Variants in ZNF326 observed in about 807,000 individuals in gnomAD.
ZNF326 encodes the protein zinc finger protein 326.
Under a neutral mutation model 63.1 loss-of-function variants are expected in ZNF326, and 30 were observed. The ratio of observed to expected loss-of-function variants is 0.48; its 90% confidence interval spans 0.36 to 0.64. The LOEUF (loss-of-function observed/expected upper bound fraction) is 0.64. Ranked by LOEUF, ZNF326 falls within the 30% of genes least tolerant of loss-of-function variation. The pLI is 0.00. For synonymous variants in ZNF326, 194 were observed against 228.2 expected (o/e 0.85, Z 1.35); for missense variants, 609 against 720.3 (o/e 0.85, Z 1.77).
rs142139717 is a variant in ZNF326 at position 90,000,563 on chromosome 1, G to C, written c.61+2409G>C. On this transcript the variant is annotated intron_variant, in intron 2 of 11. Coordinates refer to ENST00000340281, the MANE Select transcript of ZNF326 (RefSeq NM_182976.4). Reference sequence around the variant, plus strand: ...AAAAATTTTTTAAAAACATTAGCCAGGCGTGGTGGTGCCCCCCTATAGTTC... The same window carrying C: ...AAAAATTTTTTAAAAACATTAGCCACGCGTGGTGGTGCCCCCCTATAGTTC... 6.8e-3 allele frequency among the ~76,000 whole-genome samples: 1,037 copies of C among 152,244 alleles called. 8 individuals are homozygous for C. The highest frequency in any genetic ancestry group is 0.024 in the African/African-American group (998 of 41,538).
At position 90,027,600 on chromosome 1, in the gene ZNF326, G is replaced by C; in HGVS notation, c.1648G>C (p.Val550Leu). The C allele has an allele frequency of 6.2e-7, 1 of 1,612,482 alleles. No homozygotes were observed. Among genetic ancestry groups the C allele is most frequent in the Non-Finnish European group, 8.5e-7 (1 of 1,179,142 alleles). ...EGGEVGVVGEVEGVGEVEEVE... is the reference protein window; with the variant it reads ...EGGEVGVVGELEGVGEVEEVE... ...AGGGGAAGTAGGGGTAGTGGGAGAA[G>C]TAGAGGGAGTGGGGGAAGTAGAGGA... Residue 550 changes from valine to leucine, a missense_variant, in exon 12 of 12, where the codon GTA (valine) becomes CTA (leucine). Transcript: ENST00000340281.
In ZNF326 at chr1:90,007,686, C is replaced by A; in HGVS notation, c.551C>A (p.Thr184Lys). The A allele has an allele frequency of 1.3e-6, 2 of 1,516,472 alleles. No individual in the cohort carries two copies. Among genetic ancestry groups the A allele is most frequent in the Non-Finnish European group, 1.8e-6 (2 of 1,132,958 alleles). 93.9% of individuals were successfully genotyped at this position (1,516,472 alleles called of 1,614,324 possible). The stretch of plus-strand genomic sequence containing the variant: ...GGAACGCCTGCTTATCCTGAAAGTA[C>A]GTTTGGAAGCAGAAACTATGATGCT... ...GRGTPAYPESTFGSRNYDAFG... is the reference protein window; with the variant it reads ...GRGTPAYPESKFGSRNYDAFG... Residue 184 changes from threonine to lysine, a missense_variant, in exon 5 of 12, where the codon ACG becomes AAG. By Grantham distance (78) the Thr-to-Lys change is moderately conservative. This residue lies in a region of ZNF326 where 113 missense variants were observed against 187.4 expected (regional missense o/e 0.60). Transcript: ENST00000340281. The surrounding 1 kb of genome is among the most constrained non-coding windows in gnomAD (Gnocchi z 4.9).
rs538595496 is a variant in ZNF326 at position 90,017,314 on chromosome 1, C to T, written c.927-3C>T. ...TAAAGGAAAACTTTTTTTTCTCTTA[C>T]AGAATGGCATTTACATGTTCATTTT... On this transcript the variant is annotated splice_polypyrimidine_tract_variant and splice_region_variant and intron_variant, in intron 7 of 11. Coordinates refer to ENST00000340281, the MANE Select transcript of ZNF326 (RefSeq NM_182976.4). 12 of 1,572,828 alleles carry T rather than the reference C, an allele frequency of 7.6e-6. No homozygotes were observed. In the Admixed American group the frequency reaches 1.8e-4, roughly 24 times the overall value.
rs188072467 is a variant in ZNF326, at chr1:90,007,083, A to C, written c.210-262A>C. Among the ~76,000 whole-genome samples the C allele has an allele frequency of 6.6e-6, 1 of 152,364 alleles. No individual in the cohort carries two copies. Among genetic ancestry groups the C allele is most frequent in the Admixed American group, 6.5e-5 (1 of 15,304 alleles). The stretch of plus-strand genomic sequence containing the variant: ...ACAAATCTTTTCTTCTTCATAAAAT[A>C]GAAAAGCTGCTAAGAAGCAGATTTT... On this transcript the variant is annotated intron_variant, in intron 4 of 11. Transcript: ENST00000340281. This position sits in a 1 kb window ranked among gnomAD's most constrained non-coding sequence, Gnocchi z 4.9.
At position 90,022,312 on chromosome 1, in the gene ZNF326, A is replaced by G. The variant is rs967295916; in HGVS notation, c.1368A>G (p.Pro456=). Residue 456 remains proline, a synonymous_variant, in exon 11 of 12, where the codon CCA becomes CCG. Coordinates refer to ENST00000340281, the MANE Select transcript of ZNF326 (RefSeq NM_182976.4). The part of the protein sequence containing the change: ...VLTATSILNN[P]IVKARYERFV... ...CTGCTACAAGCATTTTAAATAATCC[A>G]ATAGTGAAGGCGCGATATGAACGTT... 6.2e-7 allele frequency: 1 copy of G among 1,613,236 alleles called. No homozygotes were observed. Among genetic ancestry groups the G allele is most frequent in the Non-Finnish European group, 8.5e-7 (1 of 1,179,534 alleles).
In ZNF326 at chr1:90,029,972, G is replaced by C. The variant is rs1039780187; in HGVS notation, c.*2271G>C. On this transcript the variant is annotated 3_prime_UTR_variant, in exon 12 of 12. Coordinates refer to ENST00000340281, the MANE Select transcript of ZNF326 (RefSeq NM_182976.4). Reference sequence around the variant, plus strand: ...GCTTTTGTAATAAGGATGTATATAAGATCTTAAACGCCTTTCAACTTCTGT... The same window carrying C: ...GCTTTTGTAATAAGGATGTATATAACATCTTAAACGCCTTTCAACTTCTGT... 9 of 152,262 alleles carry C rather than the reference G, an allele frequency of 5.9e-5. No homozygotes were observed. The highest frequency in any genetic ancestry group is 3.4e-3 in the Middle Eastern group (1 of 294). The allele number at this position is 152,262 out of a possible 1,614,324, so 9.4% of individuals were successfully genotyped here. A position where few individuals can be genotyped will look rare whatever the true frequency, so the allele number is the denominator to read the frequency against.
At chr1:90,020,303 C>G (rs1362288767) in intron 9 of ZNF326, among the ~76,000 whole-genome samples, 1 of 151,892 alleles carries the variant, frequency 6.6e-6, no homozygotes, top group African/African-American at 2.4e-5. Flanking sequence ...TACTAACTTG[C>G]AGAAAGTACC....
intron 4 of ZNF326, chr1:90,005,949 A>G (rs931507735): frequency 3.0e-6 from 3 of 985,434 alleles, no homozygotes; most frequent in Non-Finnish European, 3.6e-6. Flanking sequence ...AACAACTACA[A>G]GCTTTAAGGT....
Position 90,023,104 on chromosome 1 carries a change from A to G in ZNF326, c.1401+759A>G, listed in dbSNP as rs373341289. On this transcript the variant is annotated intron_variant, in intron 11 of 11. Coordinates refer to ENST00000340281, the MANE Select transcript of ZNF326 (RefSeq NM_182976.4). ...AATCCATCTTTACATAAAATTTATG[A>G]TAAACACTTACTATACAAATAAGAG... 8.5e-5 allele frequency among the ~76,000 whole-genome samples: 13 copies of G among 152,332 alleles called. 1 individual carries two copies. The highest frequency in any genetic ancestry group is 2.0e-4 in the Admixed American group (3 of 15,300).
At chr1:90,019,524 T>C (rs1244044279) in intron 9 of ZNF326, among the ~76,000 whole-genome samples, 7 of 152,178 alleles carry the variant, frequency 4.6e-5, no homozygotes, top group Non-Finnish European at 8.8e-5. Flanking sequence ...GGCACTTCAC[T>C]GGCCTAATGT....
intron 11 of ZNF326, among the ~76,000 whole-genome samples, chr1:90,025,166 A>G (rs1649956697): frequency 6.6e-6 from 1 of 152,044 alleles, no homozygotes; most frequent in Non-Finnish European, 1.5e-5. Flanking sequence ...TTCACTCTTT[A>G]AACTAGTAGT....
intron 10 of ZNF326, 45 bp from the exon 11 acceptor site, chr1:90,022,205 A>G (rs551795473): frequency 1.3e-5 from 18 of 1,351,132 alleles, no homozygotes; most frequent in Non-Finnish European, 1.9e-5. Context: ...AATATTTTTC[A>G]TGGCATGGTT....
intron 9 of ZNF326, among the ~76,000 whole-genome samples, chr1:90,020,056 A>G (rs1570316612): frequency 6.6e-6 from 1 of 152,082 alleles, no homozygotes; most frequent in East Asian, 1.9e-4. Flanking sequence ...GTATTTGTTC[A>G]AATCCTTTTC....
At chr1:90,023,070 T>TA (rs2101091598) in intron 11 of ZNF326, among the ~76,000 whole-genome samples, 1 of 152,334 alleles carries the variant, frequency 6.6e-6, no homozygotes, top group African/African-American at 2.4e-5. Flanking sequence ...TGCCATATGT[T>TA]ATGGCTTGAA....
At chr1:90,013,035 A>G in intron 6 of ZNF326, 91 bp from the exon 7 acceptor site, 1 of 1,019,544 alleles carries the variant, frequency 9.8e-7, no homozygotes, top group African/African-American at 1.6e-5. Context: ...CACTAAGTAT[A>G]CCTCATAAGT....
chr1:90,012,974 G>A (rs2101072830), intron 6 of ZNF326, 152 bp from the exon 7 acceptor site: 1 of 505,030 alleles, frequency 2.0e-6, no homozygotes, highest in East Asian at 3.3e-5. Flanking sequence ...CAGAAATACT[G>A]GATAGTCTCA....
intron 10 of ZNF326, among the ~76,000 whole-genome samples, chr1:90,021,341 T>C (rs1649764073): frequency 6.6e-6 from 1 of 151,884 alleles, no homozygotes; most frequent in Non-Finnish European, 1.5e-5. Context: ...TACAAAACAG[T>C]TTTGTGAGAG....
intron 10 of ZNF326, among the ~76,000 whole-genome samples, 189 bp from the exon 11 acceptor site, chr1:90,022,061 T>C (rs1202275471): frequency 6.6e-6 from 1 of 152,184 alleles, no homozygotes; most frequent in East Asian, 1.9e-4. Flanking sequence ...TGAAGCTGAT[T>C]GGCTTGAATC....
At chr1:90,018,657 T>C (rs1469904134) in intron 8 of ZNF326, 28 bp from the exon 9 acceptor site, 1 of 1,386,410 alleles carries the variant, frequency 7.2e-7, no homozygotes, top group Non-Finnish European at 1.0e-6. Context: ...TTGAAAGCTA[T>C]TTAGATTCTT....
Sources: allele counts gnomAD v4.1 joint callset (sites outside exome capture counted in the v4.1 genomes callset), GRCh38; gene constraint gnomAD v4.1.1; regional missense constraint gnomAD v4.1.1; non-coding constraint Gnocchi (gnomAD v3.1); transcripts MANE v1.5; gene names NCBI Gene and HGNC (gene_info 2026-07-23, HGNC 2026-07-21).